The following MAGI2 variants were observed in gnomAD, a reference collection of about 807,000 sequenced individuals.
The protein encoded by MAGI2 is membrane-associated guanylate kinase, WW and PDZ domain-containing protein 2.
Under a neutral mutation model 133.3 loss-of-function variants are expected in MAGI2, and 35 were observed. The ratio of observed to expected loss-of-function variants is 0.26; its 90% CI spans 0.20 to 0.35. The LOEUF is 0.35. Ranked by LOEUF, MAGI2 falls within the 10% of genes least tolerant of loss-of-function variation. MAGI2 has a pLI of 1.00. For synonymous variants in MAGI2, 729 were observed against 710.6 expected (o/e 1.03, Z -0.41); for missense variants, 1,636 against 1,863.4 (o/e 0.88, Z 2.25).
In MAGI2 at chr7:78,118,165, G is replaced by A. The variant is rs191330720; in HGVS notation, c.3567+7529C>T. Among the ~76,000 whole-genome samples the A allele has an allele frequency of 3.8e-3, 574 of 152,162 alleles. 2 individuals are homozygous for A. Among genetic ancestry groups the A allele is most frequent in the African/African-American group, 0.013 (538 of 41,528 alleles). ...CATCCACATGCAAAAAAAATGAGTCGAGACACAGACCAAAACACCTTTCAC... is the reference window on the plus strand; with the variant it reads ...CATCCACATGCAAAAAAAATGAGTCAAGACACAGACCAAAACACCTTTCAC... On this transcript the variant is annotated intron_variant, in intron 20 of 21. Transcript: ENST00000354212.
rs550849032 is a variant in MAGI2 at position 79,447,667 on chromosome 7, A to G, written c.301+5353T>C. ...TACTATAAAATAGTATTTTAATAGT[A>G]CTATAGTACGTTAATAGTATTTAAA... On this transcript the variant is annotated intron_variant, in intron 1 of 21. Coordinates refer to ENST00000354212, the MANE Select transcript of MAGI2 (RefSeq NM_012301.4). Among the ~76,000 whole-genome samples the G allele has an allele frequency of 4.6e-5, 7 of 152,076 alleles. No homozygotes were observed. In the South Asian group the frequency reaches 1.5e-3, roughly 32 times the overall value.
intron 21 of MAGI2, among the ~76,000 whole-genome samples, chr7:78,069,096 G>C (rs1814167812): frequency 6.6e-6 from 1 of 152,110 alleles, no homozygotes; most frequent in Non-Finnish European, 1.5e-5. Context: ...GAAGACAATG[G>C]GAGGAAAATC....
At chr7:79,200,763 G>A (rs1406882567) in intron 1 of MAGI2, among the ~76,000 whole-genome samples, 1 of 151,870 alleles carries the variant, frequency 6.6e-6, no homozygotes, top group East Asian at 1.9e-4. Context: ...CAAGACTAAA[G>A]CCCAAGCCTC....
chr7:79,083,391 G>A (rs983650247), intron 1 of MAGI2, among the ~76,000 whole-genome samples: 12 of 150,306 alleles, frequency 8.0e-5, no homozygotes, highest in Non-Finnish European at 1.8e-4. Flanking sequence ...GACATTAGAT[G>A]GTGTTAGATT....
intron 2 of MAGI2, among the ~76,000 whole-genome samples, chr7:78,970,296 C>T (rs928064783): frequency 2.0e-5 from 3 of 151,914 alleles, no homozygotes; most frequent in Admixed American, 1.3e-4. Flanking sequence ...ACTACAACCC[C>T]CTGAAGGATA....
At chr7:79,035,773 C>T (rs1479881835) in intron 1 of MAGI2, among the ~76,000 whole-genome samples, 3 of 152,146 alleles carry the variant, frequency 2.0e-5, no homozygotes, top group African/African-American at 4.8e-5. Context: ...AATCTAGACT[C>T]ATGGAGAGCA....
chr7:79,195,996 A>G (rs191797231), intron 1 of MAGI2, among the ~76,000 whole-genome samples: 1 of 152,090 alleles, frequency 6.6e-6, no homozygotes, highest in East Asian at 1.9e-4. Context: ...GATATTGGTC[A>G]GAGGAATAAG....
intron 21 of MAGI2, among the ~76,000 whole-genome samples, chr7:78,021,684 C>T (rs181373259): frequency 6.0e-4 from 92 of 152,320 alleles, no homozygotes; most frequent in African/African-American, 1.9e-3. Context: ...TGTTAACCTT[C>T]CTTCTTCCAT....
chr7:78,741,906 CA>C (rs976044398), intron 2 of MAGI2, among the ~76,000 whole-genome samples: 33 of 151,654 alleles, frequency 2.2e-4, no homozygotes, highest in African/African-American at 4.6e-4. Flanking sequence ...TCAGTCATGC[CA>C]AAAAAATGCC....
At chr7:79,343,409 A>G (rs1841053537) in intron 1 of MAGI2, 1 of 152,118 alleles carries the variant, frequency 6.6e-6, no homozygotes, top group Admixed American at 6.6e-5. Context: ...ATATGAAAGG[A>G]CGCGAATAAA....
intron 1 of MAGI2, among the ~76,000 whole-genome samples, chr7:79,064,033 A>G (rs1269359158): frequency 6.6e-6 from 1 of 152,122 alleles, no homozygotes. Flanking sequence ...TATAGCTTCA[A>G]AAATGCCAGT....
At chr7:78,037,321 T>C (rs1810336082) in intron 21 of MAGI2, among the ~76,000 whole-genome samples, 1 of 152,202 alleles carries the variant, frequency 6.6e-6, no homozygotes, top group Non-Finnish European at 1.5e-5. Flanking sequence ...CAGCTGAGGA[T>C]GCAGAAAACC....
At chr7:78,611,013 T>C (rs1355652747) in intron 3 of MAGI2, among the ~76,000 whole-genome samples, 1 of 152,230 alleles carries the variant, frequency 6.6e-6, no homozygotes, top group Admixed American at 6.5e-5. Context: ...CTAAACATCT[T>C]TACGCTTCAG....
At chr7:79,271,126 T>C (rs1407921916) in intron 1 of MAGI2, among the ~76,000 whole-genome samples, 1 of 152,096 alleles carries the variant, frequency 6.6e-6, no homozygotes, top group East Asian at 1.9e-4. Context: ...TGCTAATAAG[T>C]TGCAATTTTC....
rs144138280 is a variant in MAGI2 at position 78,336,748 on chromosome 7, A to G, written c.1408+7030T>C. 5.5e-3 allele frequency among the ~76,000 whole-genome samples: 838 copies of G among 152,136 alleles called. 7 individuals carry two copies. The highest frequency in any genetic ancestry group is 0.019 in the African/African-American group (786 of 41,494). Reference sequence around the variant, plus strand: ...AAGAAAAAGATGATGAAAAGAAGAAAGAAGAGAGAAGAAAGAAGCAAGAAG... The same window carrying G: ...AAGAAAAAGATGATGAAAAGAAGAAGGAAGAGAGAAGAAAGAAGCAAGAAG... On this transcript the variant is annotated intron_variant, in intron 9 of 21. Coordinates refer to ENST00000354212, the MANE Select transcript of MAGI2 (RefSeq NM_012301.4).
In MAGI2 at chr7:78,494,828, TC is replaced by T. The variant is rs201819041; in HGVS notation, c.966-4989del. Among the ~76,000 whole-genome samples the T allele has an allele frequency of 9.8e-3, 1,495 of 152,284 alleles. 27 individuals carry two copies. The highest frequency in any genetic ancestry group is 0.033 in the African/African-American group (1,392 of 41,562). On this transcript the variant is annotated intron_variant, in intron 5 of 21. Transcript: ENST00000354212. ...CAGACTTAAAACAATGATTAATAAGTCCTCCAAATAGCCAATTCTGAATCTC... is the reference window on the plus strand; with the variant it reads ...CAGACTTAAAACAATGATTAATAAGTCTCCAAATAGCCAATTCTGAATCTC...
intron 1 of MAGI2, 131 bp from the exon 2 acceptor site, chr7:79,007,337 TCAAA>T (rs1807561225): frequency 1.7e-6 from 1 of 578,692 alleles, no homozygotes; most frequent in African/African-American, 1.9e-5. Flanking sequence ...TTTGATCTTC[TCAAA>T]CATTTACTGC....
At chr7:79,396,826 C>T (rs1295673090) in intron 1 of MAGI2, among the ~76,000 whole-genome samples, 1 of 152,056 alleles carries the variant, frequency 6.6e-6, no homozygotes, top group Admixed American at 6.6e-5. Flanking sequence ...GATTCATATA[C>T]ATTATACTTC....
intron 2 of MAGI2, among the ~76,000 whole-genome samples, chr7:78,979,256 G>A (rs1016766463): frequency 6.6e-6 from 1 of 151,750 alleles, no homozygotes; most frequent in African/African-American, 2.4e-5. Context: ...AAGGAACCAG[G>A]ACCCTTTGGA....
Sources: gnomAD v4.1 joint callset for allele counts (sites outside exome capture counted in the v4.1 genomes callset) on GRCh38, gnomAD v4.1.1 for gene constraint, MANE v1.5 for transcripts, NCBI Gene and HGNC (gene_info 2026-07-23, HGNC 2026-07-21) for gene names.